The following PDE4D variants were observed in gnomAD, a reference collection of about 807,000 sequenced individuals.
PDE4D encodes phosphodiesterase 4D, also known as 3',5'-cyclic-AMP phosphodiesterase 4D.
Under a neutral mutation model 87.4 loss-of-function variants are expected in PDE4D, and 24 were observed. That is an observed-to-expected ratio of 0.27 (90% CI 0.20 to 0.39). PDE4D has a LOEUF of 0.39. PDE4D is among the 10% of genes least tolerant of loss of function. PDE4D has a pLI of 1.00. For synonymous variants in PDE4D, 384 were observed against 383.2 expected, an observed-to-expected ratio of 1.00 and a Z score of -0.02; for missense variants, 714 against 1,041.0, an observed-to-expected ratio of 0.69 and a Z score of 4.32.
At chr5:59,802,898 T>G (rs1185266074) in intron 1 of PDE4D, among the ~76,000 whole-genome samples, 1 of 152,098 alleles carries the variant, frequency 6.6e-6, no homozygotes, top group Non-Finnish European at 1.5e-5. Flanking sequence ...CCTGATGTCT[T>G]TAATAAGCTG....
rs551960477 is a variant in PDE4D at position 59,583,445 on chromosome 5, C to T, written c.455+309723G>A. ...GAAAAATAAGAAGAGCTATATAGTA[C>T]TTATCTATCCAGTGAGGCAAACCCT... On this transcript the variant is annotated intron_variant, in intron 1 of 14. Coordinates refer to ENST00000340635, the MANE Select transcript of PDE4D (RefSeq NM_001104631.2). 9.8e-5 allele frequency among the ~76,000 whole-genome samples: 15 copies of T among 152,326 alleles called. No individual in the cohort carries two copies. The South Asian group carries it at 2.3e-3, about 23-fold the overall frequency.
intron 1 of PDE4D, among the ~76,000 whole-genome samples, chr5:60,515,608 T>TTC (rs2150260230): frequency 6.7e-6 from 1 of 148,252 alleles, no homozygotes; most frequent in African/African-American, 2.5e-5. Flanking sequence ...TTTCTTTTTT[T>TTC]TTTTTTTTTT....
chr5:59,734,914 A>C (rs1757874683), intron 1 of PDE4D, among the ~76,000 whole-genome samples: 1 of 152,170 alleles, frequency 6.6e-6, no homozygotes, highest in Non-Finnish European at 1.5e-5. Flanking sequence ...CAGAGAGAGC[A>C]TATACCATGA....
chr5:60,225,612 T>C (rs1188986227), intron 1 of PDE4D, among the ~76,000 whole-genome samples: 1 of 152,076 alleles, frequency 6.6e-6, no homozygotes, highest in East Asian at 1.9e-4. Flanking sequence ...TAAAACTGAA[T>C]TGCTCAACCT....
intron 1 of PDE4D, among the ~76,000 whole-genome samples, chr5:59,367,937 G>A (rs1251443009): frequency 6.6e-6 from 1 of 152,242 alleles, no homozygotes; most frequent in African/African-American, 2.4e-5. Context: ...CAGTCTGCAA[G>A]GCAATTTTCC....
intron 2 of PDE4D, among the ~76,000 whole-genome samples, chr5:60,113,990 T>C (rs553232211): frequency 6.6e-6 from 1 of 152,260 alleles, no homozygotes; most frequent in African/African-American, 2.4e-5. Context: ...TTTACTGGAA[T>C]GTAGAGTGGC....
intron 1 of PDE4D, among the ~76,000 whole-genome samples, chr5:60,502,398 T>G (rs894279531): frequency 1.3e-5 from 2 of 152,248 alleles, no homozygotes; most frequent in Non-Finnish European, 2.9e-5. Flanking sequence ...CTGTTTTGGT[T>G]ACTGTAGCCT....
chr5:60,032,203 C>A (rs1767311038), intron 2 of PDE4D, among the ~76,000 whole-genome samples: 2 of 152,038 alleles, frequency 1.3e-5, no homozygotes, highest in Admixed American at 1.3e-4. Flanking sequence ...AAAATGATAA[C>A]CATGATGAAG....
At position 60,494,542 on chromosome 5, in the gene PDE4D, C is replaced by G. The variant is rs1331618962; in HGVS notation, n.70+27509G>C. 2.6e-5 allele frequency among the ~76,000 whole-genome samples: 4 copies of G among 152,180 alleles called. No individual in the cohort carries two copies. In the East Asian group the frequency reaches 7.7e-4, roughly 29 times the overall value. ...GAACTGTGACATAGGTCCAGTTTGTCTTTAGAGCCTTTCCTCCTCACTTCT... is the reference window on the plus strand; with the variant it reads ...GAACTGTGACATAGGTCCAGTTTGTGTTTAGAGCCTTTCCTCCTCACTTCT... On this transcript the variant is annotated intron_variant and non_coding_transcript_variant, in intron 1 of 2. Transcript: ENST00000506510.
intron 1 of PDE4D, among the ~76,000 whole-genome samples, chr5:59,728,600 C>T (rs1485659319): frequency 6.6e-6 from 1 of 152,004 alleles, no homozygotes; most frequent in East Asian, 1.9e-4. Flanking sequence ...CCCTTAATAG[C>T]CTGGCCAGCT....
intron 1 of PDE4D, among the ~76,000 whole-genome samples, chr5:60,319,679 G>C (rs893044674): frequency 3.3e-5 from 5 of 152,194 alleles, no homozygotes; most frequent in Admixed American, 2.6e-4. Context: ...TGTCCTTTCT[G>C]TTTGTTAGTT....
chr5:59,955,681 G>A (rs1188377009), intron 3 of PDE4D, among the ~76,000 whole-genome samples: 3 of 152,098 alleles, frequency 2.0e-5, no homozygotes, highest in Admixed American at 2.0e-4. Flanking sequence ...GCCTCTTGTA[G>A]CAGGAGGGTG....
At chr5:60,086,374 A>G (rs1774535843) in intron 2 of PDE4D, among the ~76,000 whole-genome samples, 1 of 152,242 alleles carries the variant, frequency 6.6e-6, no homozygotes, top group South Asian at 2.1e-4. Flanking sequence ...AAGAACTGCT[A>G]GATATTATAG....
intron 1 of PDE4D, among the ~76,000 whole-genome samples, chr5:60,332,383 CTG>C (rs1315699709): frequency 6.6e-6 from 1 of 152,074 alleles, no homozygotes; most frequent in Non-Finnish European, 1.5e-5. Flanking sequence ...ATCTTTATGT[CTG>C]TGTGTGTCCA....
intron 1 of PDE4D, among the ~76,000 whole-genome samples, chr5:59,408,344 T>C (rs1260795193): frequency 1.3e-5 from 2 of 152,176 alleles, no homozygotes; most frequent in South Asian, 2.1e-4. Context: ...AGCCTTCAGA[T>C]AGAAAGAATG....
At chr5:59,309,107 C>T (rs1772036381) in intron 1 of PDE4D, among the ~76,000 whole-genome samples, 1 of 152,100 alleles carries the variant, frequency 6.6e-6, no homozygotes, top group East Asian at 1.9e-4. Flanking sequence ...CTGTGTCTCC[C>T]ACCCTCTAAC....
At chr5:59,888,688 A>T (rs1187560987) in intron 1 of PDE4D, among the ~76,000 whole-genome samples, 1 of 152,138 alleles carries the variant, frequency 6.6e-6, no homozygotes, top group Middle Eastern at 3.2e-3. Context: ...TGATGTAGAC[A>T]ATCTGAACGG....
chr5:60,329,184 C>T (rs139220776), intron 1 of PDE4D, among the ~76,000 whole-genome samples: 2,942 of 152,186 alleles, frequency 0.019, 80 homozygotes, highest in African/African-American at 0.068. Context: ...TCATCTTAAA[C>T]TGTAGTTCCC....
chr5:59,986,475 C>T (rs148449576), intron 3 of PDE4D: 13 of 152,258 alleles, frequency 8.5e-5, no homozygotes, highest in African/African-American at 2.6e-4. Context: ...GGTTAGCAAC[C>T]AAAATTTTTG....
Sources: gnomAD v4.1 joint callset for allele counts (sites outside exome capture counted in the v4.1 genomes callset) on GRCh38, gnomAD v4.1.1 for gene constraint, MANE v1.5 for transcripts, NCBI Gene and HGNC (gene_info 2026-07-23, HGNC 2026-07-21) for gene names.